CADPS: variants seen among roughly 807,000 people sequenced by gnomAD.
CADPS encodes the protein calcium dependent secretion activator, also known as calcium-dependent secretion activator 1.
Under a neutral mutation model 167.3 loss-of-function variants are expected in CADPS, and 57 were observed. That is an observed-to-expected ratio of 0.34 (90% CI 0.28 to 0.42). CADPS has a LOEUF of 0.42. Among genes scored for constraint, CADPS ranks in the 20% least tolerant of loss-of-function variants. CADPS has a pLI of 1.00. For synonymous variants in CADPS, 676 were observed against 635.3 expected, an observed-to-expected ratio of 1.06 and a Z score of -0.96; for missense variants, 1,414 against 1,738.1, an observed-to-expected ratio of 0.81 and a Z score of 3.32.
chr3:62,688,294 G>A (rs1344588934), intron 3 of CADPS, among the ~76,000 whole-genome samples: 1 of 151,822 alleles, frequency 6.6e-6, no homozygotes, highest in Non-Finnish European at 1.5e-5. Context: ...TGTCCCCTAG[G>A]GGCAAAATAT....
intron 1 of CADPS, among the ~76,000 whole-genome samples, chr3:62,815,913 G>A (rs867789238): frequency 6.6e-6 from 1 of 152,016 alleles, no homozygotes. Flanking sequence ...GAACAGCTTG[G>A]GGATATATCT....
At chr3:62,788,998 T>C (rs768852277) in intron 1 of CADPS, among the ~76,000 whole-genome samples, 21 of 152,198 alleles carry the variant, frequency 1.4e-4, no homozygotes, top group Non-Finnish European at 2.8e-4. Context: ...AGACATTCAT[T>C]CAATGATCAC....
intron 17 of CADPS, among the ~76,000 whole-genome samples, chr3:62,502,893 A>G (rs1190243498): frequency 6.6e-6 from 1 of 152,184 alleles, no homozygotes; most frequent in Non-Finnish European, 1.5e-5. Context: ...AAGTGACTTT[A>G]ACAAAGGGTG....
At chr3:62,747,264 T>G (rs918628181) in intron 3 of CADPS, among the ~76,000 whole-genome samples, 2 of 152,130 alleles carry the variant, frequency 1.3e-5, no homozygotes, top group East Asian at 1.9e-4. Flanking sequence ...AGATCACTCA[T>G]GCGAAGAACT....
chr3:62,670,034 G>C (rs2075231685), intron 3 of CADPS, among the ~76,000 whole-genome samples: 1 of 152,274 alleles, frequency 6.6e-6, no homozygotes, highest in Admixed American at 6.5e-5. Context: ...AAAAATCATG[G>C]ATTTCGGAAT....
At chr3:62,796,814 G>A (rs1194141746) in intron 1 of CADPS, among the ~76,000 whole-genome samples, 1 of 152,072 alleles carries the variant, frequency 6.6e-6, no homozygotes, top group African/African-American at 2.4e-5. Flanking sequence ...GAAAAAAATT[G>A]AATAATTGTA....
At chr3:62,787,764 G>A (rs2092594033) in intron 1 of CADPS, among the ~76,000 whole-genome samples, 3 of 152,164 alleles carry the variant, frequency 2.0e-5, no homozygotes, top group Non-Finnish European at 4.4e-5. Context: ...GCCTCAGTTT[G>A]TCTGTAAGAC....
intron 10 of CADPS, among the ~76,000 whole-genome samples, chr3:62,555,577 G>T (rs1254106668): frequency 6.6e-6 from 1 of 152,098 alleles, no homozygotes; most frequent in Non-Finnish European, 1.5e-5. Flanking sequence ...TAATGATCCT[G>T]GTCTTATCCA....
chr3:62,518,317 G>C (rs1212285998), intron 13 of CADPS, 67 bp from the exon 14 acceptor site: 2 of 1,196,804 alleles, frequency 1.7e-6, no homozygotes, highest in Non-Finnish European at 2.4e-6. Context: ...CAAATCTCTA[G>C]CAGGAGGAAA....
intron 1 of CADPS, among the ~76,000 whole-genome samples, chr3:62,862,226 T>TC (rs1315534622): frequency 6.6e-6 from 1 of 151,264 alleles, no homozygotes; most frequent in Non-Finnish European, 1.5e-5. Context: ...GGTTTTTTTT[T>TC]TTTTTTTTTT....
At chr3:62,708,047 T>A (rs1012076256) in intron 3 of CADPS, among the ~76,000 whole-genome samples, 2 of 151,984 alleles carry the variant, frequency 1.3e-5, no homozygotes, top group Admixed American at 6.6e-5. Flanking sequence ...CACCTCAGCC[T>A]TCTGAGTATC....
chr3:62,585,734 C>T (rs1367853511), intron 7 of CADPS, among the ~76,000 whole-genome samples: 1 of 152,184 alleles, frequency 6.6e-6, no homozygotes, highest in Non-Finnish European at 1.5e-5. Context: ...ATTTCTTTCA[C>T]TTTTCAAGAG....
At chr3:62,506,530 C>G (rs1350989301) in intron 17 of CADPS, among the ~76,000 whole-genome samples, 1 of 152,198 alleles carries the variant, frequency 6.6e-6, no homozygotes, top group Non-Finnish European at 1.5e-5. Flanking sequence ...CCAACTCAGG[C>G]TTTGTTCCTC....
chr3:62,547,597 C>CT (rs993689144), intron 11 of CADPS, among the ~76,000 whole-genome samples: 3 of 118,752 alleles, frequency 2.5e-5, no homozygotes, highest in African/African-American at 1.0e-4. Context: ...CCCCCCCCCC[C>CT]CCGCAAATTC....
At chr3:62,649,517 A>G (rs1394526381) in intron 5 of CADPS, among the ~76,000 whole-genome samples, 2 of 113,798 alleles carry the variant, frequency 1.8e-5, no homozygotes, top group East Asian at 2.7e-4. Flanking sequence ...GACCTTTTAT[A>G]TCAAGGGAAT....
chr3:62,583,840 T>C (rs534029496), intron 8 of CADPS, among the ~76,000 whole-genome samples: 1 of 152,208 alleles, frequency 6.6e-6, no homozygotes, highest in Non-Finnish European at 1.5e-5. Flanking sequence ...ACTATCTGAC[T>C]GCATGCTGCT....
intron 3 of CADPS, among the ~76,000 whole-genome samples, chr3:62,745,606 C>A (rs907003569): frequency 1.3e-5 from 2 of 152,154 alleles, no homozygotes; most frequent in Admixed American, 1.3e-4. Context: ...ATTACTGTGA[C>A]CCTCAGGTAA....
At chr3:62,838,535 TG>T (rs1043681275) in intron 1 of CADPS, among the ~76,000 whole-genome samples, 3 of 152,126 alleles carry the variant, frequency 2.0e-5, no homozygotes, top group Admixed American at 6.5e-5. Context: ...TGTGTGGTTT[TG>T]GGGCAGAAAC....
At chr3:62,814,533 T>A (rs75376661) in intron 1 of CADPS, 1 of 152,180 alleles carries the variant, frequency 6.6e-6, no homozygotes, top group African/African-American at 2.4e-5. Context: ...TTTTTTAATA[T>A]ATAATCTCTT....
Sources: gnomAD v4.1 joint callset for allele counts (sites outside exome capture counted in the v4.1 genomes callset) on GRCh38, gnomAD v4.1.1 for gene constraint, MANE v1.5 for transcripts, NCBI Gene and HGNC (gene_info 2026-07-23, HGNC 2026-07-21) for gene names.